PIK3C2G: variants seen among roughly 807,000 people sequenced by gnomAD.
The protein encoded by PIK3C2G is phosphatidylinositol-4-phosphate 3-kinase catalytic subunit type 2 gamma.
PIK3C2G carries 168 observed loss-of-function variants against 181.1 expected under a neutral mutation model. The observed-to-expected ratio is 0.93, with a 90% CI of 0.82 to 1.05. The LOEUF is 1.05. Among genes scored for constraint, PIK3C2G ranks in the 50% least tolerant of loss-of-function variants. The pLI is 0.00. For missense variants in PIK3C2G, 1,869 were observed against 1,732.8 expected (o/e 1.08, Z -1.40); for synonymous variants, 573 against 592.2 (o/e 0.97, Z 0.47).
intron 24 of PIK3C2G, among the ~76,000 whole-genome samples, chr12:18,520,190 G>A (rs1233997527): frequency 6.6e-6 from 1 of 151,908 alleles, no homozygotes. Context: ...TGATGATTAT[G>A]TGTCTTGGGA....
chr12:18,287,148 T>C (rs961886514), intron 3 of PIK3C2G, among the ~76,000 whole-genome samples: 21 of 152,208 alleles, frequency 1.4e-4, no homozygotes, highest in Admixed American at 1.2e-3. Context: ...TCTTAAAAAT[T>C]TGGTTAAAGT....
At chr12:18,465,398 TG>T (rs1187148263) in intron 18 of PIK3C2G, among the ~76,000 whole-genome samples, 2 of 151,988 alleles carry the variant, frequency 1.3e-5, no homozygotes, top group Non-Finnish European at 2.9e-5. Context: ...TTATAGGTTT[TG>T]CTTTCTTTGT....
At chr12:18,649,723 G>T (rs1398802548), downstream of PIK3C2G, among the ~76,000 whole-genome samples, 1 of 152,026 alleles carries the variant, frequency 6.6e-6, no homozygotes, top group Non-Finnish European at 1.5e-5. Context: ...AAATCCAAAG[G>T]TTATTTTTCA....
At chr12:18,528,506 A>G (rs1943367767) in intron 24 of PIK3C2G, among the ~76,000 whole-genome samples, 1 of 152,216 alleles carries the variant, frequency 6.6e-6, no homozygotes, top group Non-Finnish European at 1.5e-5. Flanking sequence ...TGGGGTACAA[A>G]TGTATTATTC....
intron 7 of PIK3C2G, among the ~76,000 whole-genome samples, chr12:18,323,731 A>T (rs2137482608): frequency 6.6e-6 from 1 of 152,260 alleles, no homozygotes; most frequent in Middle Eastern, 3.4e-3. Context: ...CATCAAAAAA[A>T]TCAAGCACTG....
the PIK3C2G span, among the ~76,000 whole-genome samples, chr12:18,724,503 C>A: frequency 6.6e-6 from 1 of 151,982 alleles, no homozygotes; most frequent in East Asian, 1.9e-4. Flanking sequence ...ACATTGTAAA[C>A]AGCTTGAATG....
chr12:18,500,266 G>A (rs1469199223), intron 22 of PIK3C2G, among the ~76,000 whole-genome samples: 8 of 152,126 alleles, frequency 5.3e-5, no homozygotes, highest in African/African-American at 1.9e-4. Flanking sequence ...GCCGGCCCGG[G>A]CAATGAGGAG....
chr12:18,331,165 A>G (rs1446580146), intron 8 of PIK3C2G, among the ~76,000 whole-genome samples: 1 of 152,136 alleles, frequency 6.6e-6, no homozygotes, highest in African/African-American at 2.4e-5. Context: ...GTATCAGGCA[A>G]TATAAGTTCT....
At chr12:18,610,634 A>G (rs1025633347) in intron 31 of PIK3C2G, among the ~76,000 whole-genome samples, 1 of 152,044 alleles carries the variant, frequency 6.6e-6, no homozygotes, top group Non-Finnish European at 1.5e-5. Flanking sequence ...TAAAACAATT[A>G]TTTTCCATTG....
intron 14 of PIK3C2G, among the ~76,000 whole-genome samples, chr12:18,387,162 G>A (rs947104651): frequency 6.6e-6 from 1 of 151,748 alleles, no homozygotes; most frequent in Non-Finnish European, 1.5e-5. Context: ...ACTATATCCT[G>A]CCAATTTATA....
At chr12:18,393,994 C>T (rs1592145362) in intron 15 of PIK3C2G, among the ~76,000 whole-genome samples, 1 of 152,140 alleles carries the variant, frequency 6.6e-6, no homozygotes, top group South Asian at 2.1e-4. Flanking sequence ...TGGTTGAGTG[C>T]TAAACTACTC....
At chr12:18,525,783 A>G (rs1317300182) in intron 24 of PIK3C2G, among the ~76,000 whole-genome samples, 9 of 152,234 alleles carry the variant, frequency 5.9e-5, no homozygotes, top group Admixed American at 4.6e-4. Context: ...AACAGGACAT[A>G]AATCCACTTT....
chr12:18,377,009 A>C (rs1443016126), intron 13 of PIK3C2G, among the ~76,000 whole-genome samples: 1 of 152,190 alleles, frequency 6.6e-6, no homozygotes, highest in African/African-American at 2.4e-5. Context: ...GTGACACAAG[A>C]ATAGCCTACA....
intron 6 of PIK3C2G, among the ~76,000 whole-genome samples, chr12:18,317,994 C>A (rs540980480): frequency 6.6e-6 from 1 of 152,272 alleles, no homozygotes; most frequent in South Asian, 2.1e-4. Context: ...TCACTGTGTG[C>A]TATTTTGGCC....
intron 25 of PIK3C2G, among the ~76,000 whole-genome samples, chr12:18,541,386 G>A (rs539700417): frequency 5.7e-4 from 87 of 151,870 alleles, no homozygotes; most frequent in Admixed American, 1.4e-3. Context: ...GAGTATTGCC[G>A]GCTGAGTTCC....
chr12:18,505,161 C>T, intron 23 of PIK3C2G, 131 bp from the exon 24 acceptor site: 2 of 667,522 alleles, frequency 3.0e-6, no homozygotes, highest in South Asian at 2.1e-5. Context: ...CCCTCCTGTC[C>T]ACTGAGATGT....
At chr12:18,471,974 C>CA (rs1396658916) in intron 18 of PIK3C2G, among the ~76,000 whole-genome samples, 1 of 151,978 alleles carries the variant, frequency 6.6e-6, no homozygotes, top group Non-Finnish European at 1.5e-5. Flanking sequence ...TACTGCATTA[C>CA]AAAAATCAGA....
At chr12:18,647,596 G>A (rs1055954838) in intron 32 of PIK3C2G, among the ~76,000 whole-genome samples, 1 of 151,992 alleles carries the variant, frequency 6.6e-6, no homozygotes, top group Admixed American at 6.6e-5. Flanking sequence ...TCTTCCTAGA[G>A]AGTAATTTAC....
chr12:18,661,028 A>G, the PIK3C2G span, among the ~76,000 whole-genome samples: 1 of 152,192 alleles, frequency 6.6e-6, no homozygotes, highest in African/African-American at 2.4e-5. Context: ...AAAATTCACT[A>G]GAAGAATTGA....
Sources: gnomAD v4.1 joint callset for allele counts (sites outside exome capture counted in the v4.1 genomes callset) on GRCh38, gnomAD v4.1.1 for gene constraint, MANE v1.5 for transcripts, NCBI Gene and HGNC (gene_info 2026-07-23, HGNC 2026-07-21) for gene names.